The following EPC1 variants were observed in gnomAD, a reference collection of about 807,000 sequenced individuals.
EPC1 encodes enhancer of polycomb homolog 1.
A neutral mutation model predicts 98.4 loss-of-function variants in EPC1; 12 were observed. The ratio of observed to expected loss-of-function variants is 0.12; its 90% confidence interval spans 0.08 to 0.20. The LOEUF (loss-of-function observed/expected upper bound fraction) is 0.20. Ranked by LOEUF, EPC1 falls within the 10% of genes least tolerant of loss-of-function variation. The pLI is 1.00. For synonymous variants in EPC1, 357 were observed against 363.9 expected, an observed-to-expected ratio of 0.98 and a Z score of 0.21; for missense variants, 729 against 990.5, an observed-to-expected ratio of 0.74 and a Z score of 3.54.
In EPC1 at chr10:32,327,705, C is replaced by G. The variant is rs146645477; in HGVS notation, c.153+19058G>C. ...TACCTAGGCTATATGGTATAGCTTA[C>G]AGACTACTAACCTGTATCGTATGTT... On this transcript the variant is annotated intron_variant, in intron 1 of 13. Transcript: ENST00000319778. Among the ~76,000 whole-genome samples, 51 of 152,274 alleles carry G rather than the reference C, an allele frequency of 3.3e-4. No homozygotes were observed. In the East Asian group the frequency reaches 9.7e-3, roughly 29 times the overall value.
At chr10:32,357,900 G>C (rs1839325246) in intron 1 of EPC1, among the ~76,000 whole-genome samples, 1 of 145,650 alleles carries the variant, frequency 6.9e-6, no homozygotes, top group Non-Finnish European at 1.5e-5. Context: ...CTGTTGCCAG[G>C]CTGGAATGTA....
intron 1 of EPC1, among the ~76,000 whole-genome samples, chr10:32,372,362 A>G (rs910437479): frequency 1.3e-5 from 2 of 152,368 alleles, no homozygotes; most frequent in South Asian, 2.1e-4. Context: ...CCAAAGTTAT[A>G]AAGACTGAAA....
chr10:32,334,408 A>T (rs1333156555), intron 1 of EPC1, among the ~76,000 whole-genome samples: 2 of 151,852 alleles, frequency 1.3e-5, no homozygotes, highest in Non-Finnish European at 2.9e-5. Context: ...CTTAGATGAG[A>T]TTCTAGACTT....
intron 1 of EPC1, among the ~76,000 whole-genome samples, chr10:32,356,173 G>A (rs1341040351): frequency 6.6e-6 from 1 of 152,122 alleles, no homozygotes; most frequent in African/African-American, 2.4e-5. Context: ...ATAACACGAG[G>A]AAGGAAATTC....
At chr10:32,363,930 T>TA (rs946632093) in intron 1 of EPC1, among the ~76,000 whole-genome samples, 8 of 137,036 alleles carry the variant, frequency 5.8e-5, no homozygotes, top group Non-Finnish European at 3.1e-5. Context: ...TCAGTGGGAA[T>TA]AAAAAACAAA....
intron 1 of EPC1, among the ~76,000 whole-genome samples, chr10:32,308,163 T>C (rs1437044579): frequency 2.0e-5 from 3 of 152,130 alleles, no homozygotes; most frequent in East Asian, 1.9e-4. Context: ...TTAAACTCCC[T>C]TGAGCCCAGG....
At chr10:32,281,296 G>A (rs1385964279) in intron 10 of EPC1, among the ~76,000 whole-genome samples, 7 of 152,018 alleles carry the variant, frequency 4.6e-5, no homozygotes, top group South Asian at 4.2e-4. Context: ...TGCCTGCCTC[G>A]GCCTCCCAAA....
At chr10:32,342,840 T>C (rs1375519505) in intron 1 of EPC1, among the ~76,000 whole-genome samples, 2 of 152,202 alleles carry the variant, frequency 1.3e-5, no homozygotes, top group African/African-American at 4.8e-5. Context: ...TTTTTAAAAG[T>C]GATGTTTCCA....
At chr10:32,297,244 T>A (rs1265968163) in intron 2 of EPC1, among the ~76,000 whole-genome samples, 3 of 151,948 alleles carry the variant, frequency 2.0e-5, no homozygotes, top group African/African-American at 4.8e-5. Context: ...TCTAATTAAG[T>A]TCTATCAATT....
rs576181598 is a variant in EPC1, at chr10:32,277,279, G to C, written c.1745-3998C>G. On this transcript the variant is annotated intron_variant, in intron 10 of 13. Transcript: ENST00000319778. ...AAGCTCCAAATATTTAACCAGGAAC[G>C]GGATTAGGAAAGGAAGCATGATAGG... Among the ~76,000 whole-genome samples, 5 of 152,256 alleles carry C rather than the reference G, an allele frequency of 3.3e-5. No homozygotes were observed. The South Asian group carries it at 1.0e-3, about 32-fold the overall frequency.
At chr10:32,283,799 T>C (rs1836526380) in intron 10 of EPC1, 1 of 152,204 alleles carries the variant, frequency 6.6e-6, no homozygotes, top group Non-Finnish European at 1.5e-5. Context: ...AAGTTATACA[T>C]GAATTTTGGA....
At chr10:32,327,514 T>A (rs1244841555) in intron 1 of EPC1, among the ~76,000 whole-genome samples, 1 of 152,220 alleles carries the variant, frequency 6.6e-6, no homozygotes, top group African/African-American at 2.4e-5. Context: ...TTAATTGCCA[T>A]GATCTGGTCA....
chr10:32,291,106 C>G (rs1288984540), intron 6 of EPC1, 57 bp downstream of exon 6: 2 of 1,505,918 alleles, frequency 1.3e-6, no homozygotes, highest in African/African-American at 2.8e-5. Flanking sequence ...AACTTTCATT[C>G]TAATGATAAA....
intron 1 of EPC1, among the ~76,000 whole-genome samples, chr10:32,342,053 G>C (rs1838391582): frequency 1.3e-5 from 2 of 152,168 alleles, no homozygotes; most frequent in African/African-American, 4.8e-5. Context: ...AGTATAGAAA[G>C]CTGAAACATT....
intron 2 of EPC1, among the ~76,000 whole-genome samples, chr10:32,303,527 C>T (rs1314952948): frequency 6.6e-6 from 1 of 152,102 alleles, no homozygotes; most frequent in East Asian, 1.9e-4. Flanking sequence ...ACCTGTGATA[C>T]TGAGTGAAAA....
Position 32,346,653 on chromosome 10 carries a change from G to A in EPC1, c.153+110C>T, listed in dbSNP as rs899889168. ...GCCCGGCCGGCGACTGAGAGTCGGC[G>A]GCGAAGAGAAGATGGCGGCCATTTT... On this transcript the variant is annotated intron_variant, in intron 1 of 13. Transcript: ENST00000319778. The A allele has an allele frequency of 6.5e-6, 7 of 1,081,168 alleles. No individual in the cohort carries two copies. The African/African-American group carries it at 7.9e-5, about 12-fold the overall frequency. The allele number at this position is 1,081,168 out of a possible 1,614,324, so 67.0% of individuals were successfully genotyped here.
Position 32,354,151 on chromosome 10 carries a change from A to G in EPC1, c.3+24340T>C, listed in dbSNP as rs1237059022. On this transcript the variant is annotated intron_variant, in intron 1 of 13. Transcript: ENST00000375110. ...TTCAGAATATATTTAGAAACAATATATCTGTACCTTAAGAGAATAAAGGGC... is the reference window on the plus strand; with the variant it reads ...TTCAGAATATATTTAGAAACAATATGTCTGTACCTTAAGAGAATAAAGGGC... Among the ~76,000 whole-genome samples the G allele has an allele frequency of 2.0e-5, 3 of 152,264 alleles. No homozygotes were observed. In the East Asian group the frequency reaches 5.8e-4, roughly 29 times the overall value.
chr10:32,347,092 C>T lies in EPC1; in HGVS notation c.-177G>A, dbSNP rs2133069911. On this transcript the variant is annotated 5_prime_UTR_variant, in exon 1 of 14. Coordinates refer to ENST00000319778, the MANE Select transcript of EPC1 (RefSeq NM_001272004.3). ...GGGAGGGTGGGAGGCTGTGCCGCTC[C>T]GCTCCTCTCTCGCTCGCTCTCTTCA... 3 of 1,443,204 alleles carry T rather than the reference C, an allele frequency of 2.1e-6. No individual in the cohort carries two copies. Among genetic ancestry groups the T allele is most frequent in the South Asian group, 2.9e-5 (2 of 69,042 alleles). The allele number at this position is 1,443,204 out of a possible 1,614,324, so 89.4% of individuals were successfully genotyped here.
intron 2 of EPC1, among the ~76,000 whole-genome samples, chr10:32,304,811 C>T (rs1414603782): frequency 2.6e-5 from 4 of 151,160 alleles, no homozygotes; most frequent in East Asian, 2.0e-4. Context: ...CCCAACTACT[C>T]GGGAGGCTGA....
Sources: gnomAD v4.1 joint callset for allele counts (sites outside exome capture counted in the v4.1 genomes callset) on GRCh38, gnomAD v4.1.1 for gene constraint, MANE v1.5 for transcripts, NCBI Gene and HGNC (gene_info 2026-07-23, HGNC 2026-07-21) for gene names.